The following TIMP2 variants were observed in gnomAD, a reference collection of about 807,000 sequenced individuals.
TIMP2 encodes the protein metalloproteinase inhibitor 2.
Under a neutral mutation model 24.3 loss-of-function variants are expected in TIMP2, and 5 were observed. The ratio of observed to expected loss-of-function variants is 0.21; its 90% confidence interval spans 0.11 to 0.43. The LOEUF is 0.43. TIMP2 is among the 20% of genes least tolerant of loss of function. The pLI, the probability that TIMP2 is intolerant of heterozygous loss-of-function variation, is 1.00. For missense variants in TIMP2, 221 were observed against 297.5 expected (o/e 0.74, Z 1.89); for synonymous variants, 130 against 123.2 (o/e 1.06, Z -0.37).
chr17:78,881,135 T>C (rs528506788), intron 1 of TIMP2, among the ~76,000 whole-genome samples: 1 of 152,240 alleles, frequency 6.6e-6, no homozygotes, highest in Non-Finnish European at 1.5e-5. Context: ...GCACCTTGTG[T>C]GCACACTGAC....
At chr17:78,879,636 C>T (rs1324219073) in intron 1 of TIMP2, among the ~76,000 whole-genome samples, 1 of 152,070 alleles carries the variant, frequency 6.6e-6, no homozygotes, top group African/African-American at 2.4e-5. Flanking sequence ...TTCTAACTGC[C>T]CTGAGCCCAG....
In TIMP2 at chr17:78,891,536, A is replaced by C. The variant is rs1308262217; in HGVS notation, c.131-17617T>G. On this transcript the variant is annotated intron_variant, in intron 1 of 4. Transcript: ENST00000262768. This position sits in a 1 kb window ranked among gnomAD's most constrained non-coding sequence, Gnocchi z 4.5. ...GAGCGTGCACTGAGATGCTGGGGAC[A>C]CGGCTTCCCTTCTGCAGCTGGAATC... 6.4e-7 allele frequency: 1 copy of C among 1,551,052 alleles called. No homozygotes were observed. Among genetic ancestry groups the C allele is most frequent in the Non-Finnish European group, 8.7e-7 (1 of 1,147,094 alleles).
At chr17:78,874,768 T>C (rs2069715419) in intron 1 of TIMP2, among the ~76,000 whole-genome samples, 1 of 144,836 alleles carries the variant, frequency 6.9e-6, no homozygotes, top group African/African-American at 2.6e-5. Flanking sequence ...TCAGACGGAG[T>C]CTCACTCTGT....
At chr17:78,865,560 G>C (rs1379121997) in intron 3 of TIMP2, among the ~76,000 whole-genome samples, 1 of 148,000 alleles carries the variant, frequency 6.8e-6, no homozygotes, top group Non-Finnish European at 1.5e-5. Flanking sequence ...GGAGGCAGAG[G>C]TTGTGGTGAG....
intron 1 of TIMP2, among the ~76,000 whole-genome samples, chr17:78,884,800 A>C (rs1008796115): frequency 6.6e-6 from 1 of 152,212 alleles, no homozygotes; most frequent in Non-Finnish European, 1.5e-5. Context: ...TGGAAGAATG[A>C]CCACAGGTCA....
chr17:78,908,121 C>A (rs1023240419), intron 1 of TIMP2, among the ~76,000 whole-genome samples: 5 of 151,976 alleles, frequency 3.3e-5, no homozygotes, highest in Admixed American at 6.6e-5. Context: ...GGTGACAAAG[C>A]GAGACACTGT....
chr17:78,889,775 C>T (rs1373583915), intron 1 of TIMP2, among the ~76,000 whole-genome samples: 2 of 152,164 alleles, frequency 1.3e-5, no homozygotes, highest in South Asian at 2.1e-4. Context: ...GAAACCCACA[C>T]GGGTTCCTAT....
rs1449262628 is a variant in TIMP2, at chr17:78,893,473, A to G, written c.131-19554T>C. 2.4e-3 allele frequency among the ~76,000 whole-genome samples: 276 copies of G among 117,408 alleles called. 3 individuals carry two copies. Among genetic ancestry groups the G allele is most frequent in the African/African-American group, 8.9e-3 (261 of 29,478 alleles). The allele number at this position is 117,408 out of a possible 152,430, so 77.0% of individuals were successfully genotyped here. A position where few individuals can be genotyped will look rare whatever the true frequency, so the allele number is the denominator to read the frequency against. On this transcript the variant is annotated intron_variant, in intron 1 of 4. Coordinates refer to ENST00000262768, the MANE Select transcript of TIMP2 (RefSeq NM_003255.5). ...TGTGTGTGCAGGGGTGTGTGTGCAT[A>G]GCGGTGTGTGTGCAGGGGTGTGTGC...
intron 3 of TIMP2, among the ~76,000 whole-genome samples, chr17:78,859,859 G>A (rs535717156): frequency 2.5e-4 from 37 of 150,128 alleles, no homozygotes; most frequent in African/African-American, 8.6e-4. Flanking sequence ...GGGCATGGTC[G>A]TGGGTACCTG....
In TIMP2 at chr17:78,891,559, A is replaced by AT; in HGVS notation, c.131-17641dup. 6.4e-7 allele frequency: 1 copy of AT among 1,550,882 alleles called. No individual in the cohort carries two copies. The highest frequency in any genetic ancestry group is 8.7e-7 in the Non-Finnish European group (1 of 1,147,050). On this transcript the variant is annotated intron_variant, in intron 1 of 4. Transcript: ENST00000262768. This position sits in a 1 kb window ranked among gnomAD's most constrained non-coding sequence, Gnocchi z 4.5. Reference sequence around the variant, plus strand: ...ACACGGCTTCCCTTCTGCAGCTGGAATCAGCTGGCCACAGCTGCCCGAGGT... The same window carrying AT: ...ACACGGCTTCCCTTCTGCAGCTGGAATTCAGCTGGCCACAGCTGCCCGAGGT...
At chr17:78,895,565 C>T (rs2145776499) in intron 1 of TIMP2, among the ~76,000 whole-genome samples, 1 of 152,316 alleles carries the variant, frequency 6.6e-6, no homozygotes, top group South Asian at 2.1e-4. Flanking sequence ...CTTTGGAAAA[C>T]AGTCTGGCAG....
rs189767156 is a variant in TIMP2, at chr17:78,896,335, G to T, written c.131-22416C>A. Among the ~76,000 whole-genome samples, 15 of 152,322 alleles carry T rather than the reference G, an allele frequency of 9.8e-5. No homozygotes were observed. In the East Asian group the frequency reaches 2.9e-3, roughly 29 times the overall value. The stretch of plus-strand genomic sequence containing the variant: ...TGTTGCACAGCCTGCTGGGATGCCT[G>T]CCTCTGCCTGTGATGCCCAGGCTGA... On this transcript the variant is annotated intron_variant, in intron 1 of 4. Transcript: ENST00000262768. The surrounding 1 kb of genome is among the most constrained non-coding windows in gnomAD (Gnocchi z 4.4).
intron 3 of TIMP2, among the ~76,000 whole-genome samples, chr17:78,858,004 G>A (rs750150450): frequency 5.9e-5 from 9 of 151,996 alleles, no homozygotes; most frequent in African/African-American, 1.9e-4. Context: ...CCCCAGAGGC[G>A]GAAGTTGCAG....
At chr17:78,913,831 G>A (rs1222652586) in intron 1 of TIMP2, among the ~76,000 whole-genome samples, 1 of 149,022 alleles carries the variant, frequency 6.7e-6, no homozygotes, top group Non-Finnish European at 1.5e-5. Flanking sequence ...GGCGGAGGTT[G>A]CAGCGAACCA....
chr17:78,871,149 T>C (rs978934374), intron 2 of TIMP2, 143 bp from the exon 3 acceptor site: 4 of 620,720 alleles, frequency 6.4e-6, no homozygotes, highest in Non-Finnish European at 1.1e-5. Flanking sequence ...TGCAAATACA[T>C]GGGTTAGGAA....
At position 78,855,751 on chromosome 17, in the gene TIMP2, GCAGGC is replaced by G. The variant is rs2069520124; in HGVS notation, c.574_578del (p.Ala192HisfsTer5). ...CACAGGAGCCGTCACTTCTCTTGAT[GCAGGC>G]GAAGAACTTGGCCTGGTGCCCGTTG... On this transcript the variant is annotated frameshift_variant, in exon 5 of 5. Coordinates refer to ENST00000262768, the MANE Select transcript of TIMP2 (RefSeq NM_003255.5). LOFTEE classifies it high-confidence loss of function. The surrounding 1 kb of genome is among the most constrained non-coding windows in gnomAD (Gnocchi z 6.0). 6.2e-7 allele frequency: 1 copy of G among 1,614,076 alleles called. No individual in the cohort carries two copies. Among genetic ancestry groups the G allele is most frequent in the Non-Finnish European group, 8.5e-7 (1 of 1,180,050 alleles).
chr17:78,892,542 T>A, intron 1 of TIMP2: 17 of 1,467,812 alleles, frequency 1.2e-5, no homozygotes, highest in Non-Finnish European at 1.5e-5. Flanking sequence ...CACACGGGAT[T>A]CTCACTGTGA....
chr17:78,877,922 G>T (rs2069742993), intron 1 of TIMP2, among the ~76,000 whole-genome samples: 1 of 151,944 alleles, frequency 6.6e-6, no homozygotes, highest in Non-Finnish European at 1.5e-5. Flanking sequence ...TGGCCAGGAT[G>T]GTCTTGAACT....
Position 78,855,930 on chromosome 17 carries a change from T to C in TIMP2, c.466-66A>G. 6.5e-7 allele frequency: 1 copy of C among 1,534,910 alleles called. No homozygotes were observed. Among genetic ancestry groups the C allele is most frequent in the Non-Finnish European group, 9.0e-7 (1 of 1,111,924 alleles). On this transcript the variant is annotated intron_variant, in intron 4 of 4. Coordinates refer to ENST00000262768, the MANE Select transcript of TIMP2 (RefSeq NM_003255.5). The surrounding 1 kb of genome is among the most constrained non-coding windows in gnomAD (Gnocchi z 6.0). ...AGGAAGGGGTGGGCAGAGGCTGCTC[T>C]GGGGGCATGTCCAGAACCCGGCAAT...
Sources: allele counts gnomAD v4.1 joint callset (sites outside exome capture counted in the v4.1 genomes callset), GRCh38; gene constraint gnomAD v4.1.1; non-coding constraint Gnocchi (gnomAD v3.1); transcripts MANE v1.5; gene names NCBI Gene and HGNC (gene_info 2026-07-23, HGNC 2026-07-21).